Variants in SOBP observed in about 807,000 individuals in gnomAD.
SOBP encodes the protein sine oculis-binding protein homolog.
Under a neutral mutation model 53.6 loss-of-function variants are expected in SOBP, and 4 were observed. That is an observed-to-expected ratio of 0.07 (90% CI 0.04 to 0.17). The LOEUF (loss-of-function observed/expected upper bound fraction) is 0.17. Among genes scored for constraint, SOBP ranks in the 10% least tolerant of loss-of-function variants. The pLI is 1.00. For synonymous variants in SOBP, 584 were observed against 522.6 expected (o/e 1.12, Z -1.60); for missense variants, 1,088 against 1,204.7 (o/e 0.90, Z 1.43).
chr6:107,585,500 G>A (rs1485061762), intron 4 of SOBP, among the ~76,000 whole-genome samples: 1 of 152,178 alleles, frequency 6.6e-6, no homozygotes, highest in African/African-American at 2.4e-5. Flanking sequence ...TGGTCTCAGT[G>A]CCTTGTAGCC....
chr6:107,620,682 C>T (rs1786971998), intron 5 of SOBP, among the ~76,000 whole-genome samples: 1 of 152,200 alleles, frequency 6.6e-6, no homozygotes, highest in Non-Finnish European at 1.5e-5. Flanking sequence ...TGCCTTGATA[C>T]AGCAGGAAAT....
chr6:107,619,737 A>C (rs1439526308), intron 5 of SOBP, among the ~76,000 whole-genome samples: 1 of 151,792 alleles, frequency 6.6e-6, no homozygotes, highest in Non-Finnish European at 1.5e-5. Flanking sequence ...TCCTGGTGTA[A>C]ACTTTATGCT....
chr6:107,572,944 C>G (rs1052335465), intron 4 of SOBP, among the ~76,000 whole-genome samples: 1 of 152,188 alleles, frequency 6.6e-6, no homozygotes, highest in African/African-American at 2.4e-5. Context: ...CCATGGAATT[C>G]ACCATACTGC....
chr6:107,618,116 A>G (rs1373168176), intron 5 of SOBP, among the ~76,000 whole-genome samples: 3 of 152,188 alleles, frequency 2.0e-5, no homozygotes, highest in Non-Finnish European at 4.4e-5. Context: ...GGTGTGAGCC[A>G]CCGTGCGCGG....
intron 6 of SOBP, among the ~76,000 whole-genome samples, chr6:107,642,282 G>T (rs1771362382): frequency 6.6e-6 from 1 of 152,036 alleles, no homozygotes; most frequent in Non-Finnish European, 1.5e-5. Context: ...TTGGGAACAT[G>T]AGACCATCAA....
At chr6:107,625,664 G>GT (rs1381016760) in intron 5 of SOBP, among the ~76,000 whole-genome samples, 1 of 152,232 alleles carries the variant, frequency 6.6e-6, no homozygotes, top group East Asian at 1.9e-4. Flanking sequence ...AACCCAGGGA[G>GT]TGAGGAGGCT....
chr6:107,496,084 G>A (rs1454195187), intron 1 of SOBP, among the ~76,000 whole-genome samples: 1 of 152,202 alleles, frequency 6.6e-6, no homozygotes, highest in Non-Finnish European at 1.5e-5. Flanking sequence ...TTTGCTGAAT[G>A]TATATTTTAG....
intron 6 of SOBP, among the ~76,000 whole-genome samples, chr6:107,641,398 C>T (rs1389885666): frequency 1.3e-5 from 2 of 152,188 alleles, no homozygotes; most frequent in Admixed American, 6.5e-5. Flanking sequence ...ACTTCCCCAG[C>T]ACTTGGACCT....
At position 107,661,074 on chromosome 6, in the gene SOBP, A is replaced by G. The variant is rs1772275241; in HGVS notation, c.*2871A>G. Among the ~76,000 whole-genome samples, 1 of 152,152 alleles carries G rather than the reference A, an allele frequency of 6.6e-6. No individual in the cohort carries two copies. Among genetic ancestry groups the G allele is most frequent in the African/African-American group, 2.4e-5 (1 of 41,440 alleles). On this transcript the variant is annotated 3_prime_UTR_variant, in exon 7 of 7. Transcript: ENST00000317357. The stretch of plus-strand genomic sequence containing the variant: ...TATTCATCTGGTCTTGGCCATGGAG[A>G]CAGTCATCCAGGATATTGATTTTGC...
intron 3 of SOBP, chr6:107,529,338 TG>T: frequency 2.2e-6 from 1 of 450,732 alleles, no homozygotes; most frequent in Non-Finnish European, 2.9e-6. Context: ...AGCCCGGCCA[TG>T]GGCCATTTCA....
chr6:107,590,862 T>C (rs1785720391), intron 5 of SOBP, among the ~76,000 whole-genome samples: 1 of 152,142 alleles, frequency 6.6e-6, no homozygotes, highest in Non-Finnish European at 1.5e-5. Flanking sequence ...GCAGTAGAAA[T>C]ACCCCGTGCT....
chr6:107,526,948 T>C (rs1432237236), intron 3 of SOBP, among the ~76,000 whole-genome samples: 3 of 152,192 alleles, frequency 2.0e-5, no homozygotes, highest in Non-Finnish European at 4.4e-5. Flanking sequence ...CAAATCTATT[T>C]ATACAAAAGA....
chr6:107,622,229 AGG>A (rs1770212568), intron 5 of SOBP, among the ~76,000 whole-genome samples: 1 of 152,234 alleles, frequency 6.6e-6, no homozygotes, highest in Admixed American at 6.5e-5. Context: ...GCACAGGAGC[AGG>A]ACCCAAAGTT....
intron 3 of SOBP, among the ~76,000 whole-genome samples, chr6:107,532,245 ACACACACACACACACACACACACACAC>A: frequency 1.1e-5 from 1 of 92,298 alleles, no homozygotes; most frequent in Admixed American, 9.9e-5. Context: ...TCTCTCTCAC[ACACACACACACACACACACACACACAC>A]CACACACACA....
At chr6:107,555,597 C>T (rs549203218) in intron 4 of SOBP, among the ~76,000 whole-genome samples, 1 of 152,358 alleles carries the variant, frequency 6.6e-6, no homozygotes, top group East Asian at 1.9e-4. Flanking sequence ...AGCTGCACAG[C>T]TCTCCAAGGC....
chr6:107,592,596 A>C (rs1192460084), intron 5 of SOBP, among the ~76,000 whole-genome samples: 1 of 152,218 alleles, frequency 6.6e-6, no homozygotes, highest in East Asian at 1.9e-4. Context: ...CAGGCACTGA[A>C]AATTAAAATC....
At chr6:107,657,270 A>G (rs1244518102) in intron 6 of SOBP, among the ~76,000 whole-genome samples, 4 of 152,194 alleles carry the variant, frequency 2.6e-5, no homozygotes, top group Non-Finnish European at 5.9e-5. Context: ...GCAGAGCCTC[A>G]TATCTCGGTG....
At chr6:107,587,003 C>A in intron 4 of SOBP, 77 bp from the exon 5 acceptor site, 1 of 1,066,620 alleles carries the variant, frequency 9.4e-7, no homozygotes. Context: ...GTTGAATGAT[C>A]TGAGCTGTTA....
chr6:107,533,452 A>G lies in SOBP; in HGVS notation c.422-7A>G. 1 of 1,613,974 alleles carries G rather than the reference A, an allele frequency of 6.2e-7. No individual in the cohort carries two copies. The highest frequency in any genetic ancestry group is 8.5e-7 in the Non-Finnish European group (1 of 1,179,948). On this transcript the variant is annotated splice_region_variant and splice_polypyrimidine_tract_variant and intron_variant, in intron 3 of 6. Transcript: ENST00000317357. ...ATATGAACATTTTTCTTATACTTTT[A>G]TTATAGAAGATGATGTGTCAAATGT... is the stretch of plus-strand genomic sequence containing the variant.
Sources: gnomAD v4.1 joint callset for allele counts (sites outside exome capture counted in the v4.1 genomes callset) on GRCh38, gnomAD v4.1.1 for gene constraint, MANE v1.5 for transcripts, NCBI Gene and HGNC (gene_info 2026-07-23, HGNC 2026-07-21) for gene names.